Variants in ANO6 observed in about 807,000 individuals in gnomAD.
ANO6 encodes the protein anoctamin-6.
Under a neutral mutation model 117.5 loss-of-function variants are expected in ANO6, and 106 were observed. That is an observed-to-expected ratio of 0.90 (90% CI 0.77 to 1.06). The LOEUF is 1.06. Ranked by LOEUF, ANO6 falls within the 50% of genes least tolerant of loss-of-function variation. ANO6 has a pLI of 0.00. For synonymous variants in ANO6, 367 were observed against 385.1 expected (o/e 0.95, Z 0.55); for missense variants, 955 against 1,121.1 (o/e 0.85, Z 2.12).
intron 3 of ANO6, among the ~76,000 whole-genome samples, chr12:45,343,372 C>T (rs2137434399): frequency 6.6e-6 from 1 of 152,246 alleles, no homozygotes; most frequent in Non-Finnish European, 1.5e-5. Context: ...AAATTCATGA[C>T]TGAATTTTAG....
chr12:45,399,059 T>A (rs1188814228), intron 12 of ANO6, among the ~76,000 whole-genome samples: 1 of 152,194 alleles, frequency 6.6e-6, no homozygotes, highest in Non-Finnish European at 1.5e-5. Context: ...TGTCAAGGGC[T>A]GTGTTTTGTT....
chr12:45,317,113 G>GTGTGTATATATATA lies in ANO6; in HGVS notation c.151-14181_151-14180insGTGTATATATATAT. 7.8e-3 allele frequency among the ~76,000 whole-genome samples: 518 copies of GTGTGTATATATATA among 66,498 alleles called. 62 individuals are homozygous for GTGTGTATATATATA. Among genetic ancestry groups the GTGTGTATATATATA allele is most frequent in the Middle Eastern group, 0.032 (2 of 62 alleles). The allele number at this position is 66,498 out of a possible 152,430, so 43.6% of individuals were successfully genotyped here. A position where few individuals can be genotyped will look rare whatever the true frequency, so the allele number is the denominator to read the frequency against. On this transcript the variant is annotated intron_variant, in intron 2 of 19. Transcript: ENST00000320560. ...AAAGACAGCTGGATTCTTTTTATAT[G>GTGTGTATATATATA]TATATATATATATATATATTTATTA...
rs1939513311 is a variant in ANO6 at position 45,302,111 on chromosome 12, A to G, written c.150+18A>G. 1 of 1,608,756 alleles carries G rather than the reference A, an allele frequency of 6.2e-7. No homozygotes were observed. Among genetic ancestry groups the G allele is most frequent in the Admixed American group, 1.7e-5 (1 of 59,974 alleles). The stretch of plus-strand genomic sequence containing the variant: ...CGGAGTTTGTGAGTACTATTCCTTT[A>G]TCTTAAATTTGTATTCTTAAGCTAA... On this transcript the variant is annotated intron_variant, in intron 2 of 19. Coordinates refer to ENST00000320560, the MANE Select transcript of ANO6 (RefSeq NM_001025356.3).
chr12:45,252,526 T>G (rs1341347282), intron 1 of ANO6, among the ~76,000 whole-genome samples: 1 of 152,222 alleles, frequency 6.6e-6, no homozygotes, highest in Non-Finnish European at 1.5e-5. Context: ...ATGAGCTGTT[T>G]GTAAGAAATG....
chr12:45,416,843 A>G lies in ANO6; in HGVS notation c.2156A>G (p.Gln719Arg). The G allele has an allele frequency of 6.2e-7, 1 of 1,614,204 alleles. No homozygotes were observed. The highest frequency in any genetic ancestry group is 1.1e-5 in the South Asian group (1 of 91,086). Residue 719 changes from glutamine (Q) to arginine (R), a missense_variant, in exon 17 of 20, where the codon CAA becomes CGA. Physicochemically the swap from Gln to Arg is conservative, Grantham distance 43 (BLOSUM62 1). Coordinates refer to ENST00000320560, the MANE Select transcript of ANO6 (RefSeq NM_001025356.3). The part of the protein sequence containing the change: ...QFRRLVPEKA[Q>R]DIGAWQPIMQ... ...AGACGCCTGGTACCAGAGAAAGCCC[A>G]AGACATTGGAGCATGGCAGCCCATC...
chr12:45,424,935 C>G (rs1042779817), intron 19 of ANO6, among the ~76,000 whole-genome samples: 2 of 151,200 alleles, frequency 1.3e-5, no homozygotes, highest in African/African-American at 2.4e-5. Flanking sequence ...TGGTCAATAA[C>G]AAGAGGTGAT....
intron 1 of ANO6, among the ~76,000 whole-genome samples, chr12:45,284,909 C>G (rs953985071): frequency 1.3e-5 from 2 of 152,172 alleles, no homozygotes; most frequent in Admixed American, 6.5e-5. Flanking sequence ...AGGATTATTA[C>G]TCCCTAGGGA....
chr12:45,258,153 T>G (rs1220944107), intron 1 of ANO6, among the ~76,000 whole-genome samples: 3 of 152,206 alleles, frequency 2.0e-5, no homozygotes, highest in Non-Finnish European at 4.4e-5. Flanking sequence ...CCCAACTTTG[T>G]CCTCCTAAAA....
exon 20 of ANO6, chr12:45,439,720 G>T: frequency 6.5e-7 from 1 of 1,541,246 alleles, no homozygotes; most frequent in Non-Finnish European, 8.7e-7. Flanking sequence ...CATGATCTTG[G>T]CTCACTGCAA....
intron 13 of ANO6, 79 bp downstream of exon 13, chr12:45,402,099 C>A: frequency 8.1e-7 from 1 of 1,237,212 alleles, no homozygotes; most frequent in Non-Finnish European, 1.2e-6. Context: ...ATCTTTTAGG[C>A]GTTTCAATTC....
At chr12:45,393,975 G>C (rs924083088) in intron 12 of ANO6, among the ~76,000 whole-genome samples, 2 of 152,188 alleles carry the variant, frequency 1.3e-5, no homozygotes, top group Non-Finnish European at 2.9e-5. Context: ...ATAATGACAG[G>C]ATCAAATTCA....
rs191696539 is a variant in ANO6 at position 45,409,248 on chromosome 12, A to C, written c.1881-109A>C. 47 of 1,418,480 alleles carry C rather than the reference A, an allele frequency of 3.3e-5. No homozygotes were observed. The African/African-American group carries it at 5.1e-4, about 15-fold the overall frequency. 87.9% of individuals were successfully genotyped at this position (1,418,480 alleles called of 1,614,324 possible). On this transcript the variant is annotated intron_variant, in intron 15 of 19. Transcript: ENST00000320560. ...ACAAATTTAGCATGCAAACAAAAAA[A>C]TAGTTTATTGGGAAGATTACTTGTG...
chr12:45,313,223 C>G (rs866473481), intron 2 of ANO6: 3 of 151,808 alleles, frequency 2.0e-5, no homozygotes, highest in Non-Finnish European at 2.9e-5. Flanking sequence ...GAAGGTTGCC[C>G]TAGGAAGTTG....
At chr12:45,434,301 C>T (rs12829186), downstream of ANO6, among the ~76,000 whole-genome samples, 8,202 of 152,216 alleles carry the variant, frequency 0.054, 428 homozygotes, top group East Asian at 0.3. Flanking sequence ...AGTGATAAAT[C>T]GCTGTCAGTC....
At chr12:45,439,801 A>T in exon 20 of ANO6, 1 of 1,550,308 alleles carries the variant, frequency 6.5e-7, no homozygotes, top group Non-Finnish European at 8.7e-7. Flanking sequence ...GGAACAACTA[A>T]CTTCTGACTT....
intron 3 of ANO6, among the ~76,000 whole-genome samples, chr12:45,342,938 G>A (rs1375197380): frequency 6.6e-6 from 1 of 152,160 alleles, no homozygotes; most frequent in Non-Finnish European, 1.5e-5. Flanking sequence ...TGAAAGGATA[G>A]ACTTCTGACA....
chr12:45,348,666 T>TC (rs1278008862), intron 6 of ANO6, 35 bp downstream of exon 6: 1 of 1,472,200 alleles, frequency 6.8e-7, no homozygotes, highest in Non-Finnish European at 9.5e-7. Flanking sequence ...TAAAAGGCCT[T>TC]CTGTATACTC....
intron 2 of ANO6, among the ~76,000 whole-genome samples, chr12:45,329,100 C>T (rs1170803376): frequency 1.3e-5 from 2 of 152,126 alleles, no homozygotes; most frequent in East Asian, 1.9e-4. Flanking sequence ...TTTCAAACAC[C>T]CTTACACATG....
At chr12:45,243,419 ACTTT>A (rs1379462364) in intron 1 of ANO6, among the ~76,000 whole-genome samples, 2 of 152,234 alleles carry the variant, frequency 1.3e-5, no homozygotes, top group African/African-American at 4.8e-5. Flanking sequence ...TAAAATTACC[ACTTT>A]CTTAGTATTG....
Sources: gnomAD v4.1 joint callset for allele counts (sites outside exome capture counted in the v4.1 genomes callset) on GRCh38, gnomAD v4.1.1 for gene constraint, MANE v1.5 for transcripts, NCBI Gene and HGNC (gene_info 2026-07-23, HGNC 2026-07-21) for gene names.